Variants in SAMD4A observed in about 807,000 individuals in gnomAD.
SAMD4A encodes the protein protein Smaug homolog 1.
SAMD4A carries 33 observed loss-of-function variants against 81.3 expected under a neutral mutation model. That is an observed-to-expected ratio of 0.41 (90% CI 0.31 to 0.54). The LOEUF (loss-of-function observed/expected upper bound fraction) is 0.54, where lower values mean the gene tolerates loss of function less well. Among genes scored for constraint, SAMD4A ranks in the 20% least tolerant of loss-of-function variants. SAMD4A has a pLI of 0.37. For missense variants in SAMD4A, 854 were observed against 951.1 expected, an observed-to-expected ratio of 0.90 and a Z score of 1.34; for synonymous variants, 389 against 382.1, an observed-to-expected ratio of 1.02 and a Z score of -0.21.
chr14:54,638,367 C>A (rs1307058672), intron 2 of SAMD4A, among the ~76,000 whole-genome samples: 1 of 152,196 alleles, frequency 6.6e-6, no homozygotes, highest in African/African-American at 2.4e-5. Context: ...CAATCCTATA[C>A]AAATCCCTGC....
At chr14:54,647,941 G>A (rs1488772568) in intron 2 of SAMD4A, among the ~76,000 whole-genome samples, 2 of 152,212 alleles carry the variant, frequency 1.3e-5, no homozygotes, top group Non-Finnish European at 2.9e-5. Flanking sequence ...AATGTATGGG[G>A]GATAAATGCA....
At position 54,597,040 on chromosome 14, in the gene SAMD4A, AAAAC is replaced by A. The variant is rs774448033; in HGVS notation, c.196+28936_196+28939del. Among the ~76,000 whole-genome samples the A allele has an allele frequency of 2.0e-4, 30 of 152,282 alleles. 1 individual carries two copies. In the East Asian group the frequency reaches 5.6e-3, roughly 28 times the overall value. On this transcript the variant is annotated intron_variant, in intron 2 of 12. Transcript: ENST00000554335. ...TGCCCATTGCATTTTATTGAAAAAG[AAAAC>A]AAACAAAACACCATATATCTGTATT...
intron 2 of SAMD4A, among the ~76,000 whole-genome samples, chr14:54,656,641 T>C (rs959281129): frequency 6.6e-6 from 1 of 152,192 alleles, no homozygotes; most frequent in Non-Finnish European, 1.5e-5. Context: ...GATTGTATGT[T>C]TTTTGAGATG....
At chr14:54,692,878 C>T (rs1017899377) in intron 2 of SAMD4A, 3 of 141,876 alleles carry the variant, frequency 2.1e-5, no homozygotes, top group Admixed American at 2.1e-4. Flanking sequence ...CACTTAGTGC[C>T]CCCCCCCGCA....
intron 5 of SAMD4A, among the ~76,000 whole-genome samples, chr14:54,750,483 T>C (rs1435466757): frequency 3.3e-5 from 5 of 152,238 alleles, no homozygotes; most frequent in Non-Finnish European, 7.3e-5. Flanking sequence ...AGTAAATCCT[T>C]AGGCTCACCA....
At chr14:54,699,893 T>C (rs2036669199) in intron 2 of SAMD4A, among the ~76,000 whole-genome samples, 1 of 152,094 alleles carries the variant, frequency 6.6e-6, no homozygotes, top group Non-Finnish European at 1.5e-5. Context: ...CCTATCTTAA[T>C]CTCTCCTGCT....
At chr14:54,744,925 CTT>C (rs1307794689) in intron 4 of SAMD4A, among the ~76,000 whole-genome samples, 1 of 152,204 alleles carries the variant, frequency 6.6e-6, no homozygotes, top group Non-Finnish European at 1.5e-5. Context: ...CCCTCTCTCT[CTT>C]CTCACCCCAA....
intron 9 of SAMD4A, among the ~76,000 whole-genome samples, 186 bp downstream of exon 9, chr14:54,770,408 C>G (rs2038669402): frequency 6.6e-6 from 1 of 152,008 alleles, no homozygotes; most frequent in Non-Finnish European, 1.5e-5. Flanking sequence ...GTGAGCATTC[C>G]CAGGCGAAGA....
intron 8 of SAMD4A, among the ~76,000 whole-genome samples, chr14:54,765,245 G>A (rs969267191): frequency 2.0e-5 from 3 of 152,160 alleles, no homozygotes; most frequent in African/African-American, 7.2e-5. Context: ...AAGAGCTACA[G>A]CAGCAAGGCC....
In SAMD4A at chr14:54,753,223, T is replaced by C. The variant is rs12432759; in HGVS notation, c.1176+1686T>C. The stretch of plus-strand genomic sequence containing the variant: ...AGGTCTTTCTCATCCCATGAGGCCA[T>C]ATTTCAGACTATCACCTGGGAAGAA... On this transcript the variant is annotated intron_variant, in intron 6 of 12. Coordinates refer to ENST00000554335, the MANE Select transcript of SAMD4A (RefSeq NM_015589.6). Among the ~76,000 whole-genome samples, 1,514 of 152,356 alleles carry C rather than the reference T, an allele frequency of 9.9e-3. 56 individuals are homozygous for C. Among genetic ancestry groups the C allele is most frequent in the East Asian group, 0.091 (472 of 5,186 alleles).
intron 2 of SAMD4A, among the ~76,000 whole-genome samples, chr14:54,588,947 AGAAG>A (rs2033700656): frequency 6.6e-6 from 1 of 152,220 alleles, no homozygotes; most frequent in Non-Finnish European, 1.5e-5. Context: ...TAAGTTTAAC[AGAAG>A]GAAGGAAGAG....
At chr14:54,743,953 C>A (rs904272527) in intron 4 of SAMD4A, among the ~76,000 whole-genome samples, 1 of 152,228 alleles carries the variant, frequency 6.6e-6, no homozygotes, top group Non-Finnish European at 1.5e-5. Context: ...ATCTTCCATC[C>A]CACTTCAGTA....
chr14:54,710,499 T>G (rs1196570057), intron 3 of SAMD4A, among the ~76,000 whole-genome samples: 5 of 152,190 alleles, frequency 3.3e-5, no homozygotes. Flanking sequence ...TCAGCTGGGA[T>G]GTGAACCTAG....
chr14:54,598,944 C>T (rs958546870), intron 2 of SAMD4A, among the ~76,000 whole-genome samples: 2 of 152,072 alleles, frequency 1.3e-5, no homozygotes, highest in Non-Finnish European at 2.9e-5. Flanking sequence ...CCTCAGCCTC[C>T]TAAGTAGCTG....
intron 2 of SAMD4A, among the ~76,000 whole-genome samples, chr14:54,678,589 C>G (rs904838351): frequency 2.7e-5 from 4 of 150,264 alleles, no homozygotes; most frequent in Admixed American, 6.6e-5. Flanking sequence ...CGCTCTTTCG[C>G]CCAGGCCGGA....
chr14:54,772,346 T>G (rs2139920541), intron 9 of SAMD4A, among the ~76,000 whole-genome samples: 1 of 152,376 alleles, frequency 6.6e-6, no homozygotes, highest in African/African-American at 2.4e-5. Flanking sequence ...TCATTAAGCC[T>G]AGCGATCTTA....
intron 2 of SAMD4A, among the ~76,000 whole-genome samples, chr14:54,665,186 G>C (rs537707480): frequency 6.6e-6 from 1 of 152,128 alleles, no homozygotes; most frequent in Non-Finnish European, 1.5e-5. Context: ...TGAGGTGATT[G>C]TTATCTTTAA....
intron 11 of SAMD4A, 134 bp downstream of exon 11, chr14:54,776,674 T>C: frequency 8.9e-7 from 1 of 1,117,806 alleles, no homozygotes; most frequent in Non-Finnish European, 1.2e-6. Flanking sequence ...CCTTTCCTTT[T>C]TTAAACTGTG....
chr14:54,751,909 G>A (rs998826203), intron 6 of SAMD4A, among the ~76,000 whole-genome samples: 8 of 152,192 alleles, frequency 5.3e-5, no homozygotes, highest in Non-Finnish European at 8.8e-5. Flanking sequence ...ACAGGGCAGG[G>A]AATATGCAGT....
Sources: allele counts gnomAD v4.1 joint callset (sites outside exome capture counted in the v4.1 genomes callset), GRCh38; gene constraint gnomAD v4.1.1; transcripts MANE v1.5; gene names NCBI Gene and HGNC (gene_info 2026-07-23, HGNC 2026-07-21).